Variants in EIF3E observed in about 807,000 individuals in gnomAD.
EIF3E encodes the protein eukaryotic translation initiation factor 3 subunit E.
In EIF3E, 25 loss-of-function variants were observed where a neutral mutation model predicts 59.3. The ratio of observed to expected loss-of-function variants is 0.42; its 90% CI spans 0.31 to 0.59. EIF3E has a LOEUF of 0.59. Ranked by LOEUF, EIF3E falls within the 20% of genes least tolerant of loss-of-function variation. EIF3E has a pLI of 0.15. For missense variants in EIF3E, 317 were observed against 534.3 expected (o/e 0.59, Z 4.01); for synonymous variants, 176 against 170.2 (o/e 1.03, Z -0.26).
intron 10 of EIF3E, among the ~76,000 whole-genome samples, chr8:108,205,460 C>T (rs1815082482): frequency 1.3e-5 from 2 of 152,176 alleles, no homozygotes; most frequent in African/African-American, 4.8e-5. Flanking sequence ...TACACATCTG[C>T]CAGGTTAGTT....
chr8:108,246,148 G>A (rs996357852), intron 1 of EIF3E, among the ~76,000 whole-genome samples: 10 of 152,080 alleles, frequency 6.6e-5, no homozygotes, highest in African/African-American at 2.4e-4. Flanking sequence ...GCAAGAGAGC[G>A]AGACAGATTT....
chr8:108,217,766 G>A (rs1815330669), intron 7 of EIF3E, among the ~76,000 whole-genome samples: 1 of 152,122 alleles, frequency 6.6e-6, no homozygotes, highest in African/African-American at 2.4e-5. Context: ...CATGCTGTCA[G>A]TCTGTTCCAA....
intron 5 of EIF3E, among the ~76,000 whole-genome samples, chr8:108,230,752 G>A (rs633901): frequency 6.6e-6 from 1 of 151,878 alleles, no homozygotes; most frequent in Non-Finnish European, 1.5e-5. Flanking sequence ...AGGCAAAAAC[G>A]AAAAGTAATC....
intron 1 of EIF3E, among the ~76,000 whole-genome samples, chr8:108,243,646 A>AAG (rs1445616835): frequency 2.7e-4 from 41 of 149,864 alleles, no homozygotes; most frequent in Non-Finnish European, 2.5e-4. Flanking sequence ...AAGAAAAAAA[A>AAG]AAAAAAAAAA....
chr8:108,229,577 A>C (rs1321813503), intron 5 of EIF3E, among the ~76,000 whole-genome samples: 1 of 152,158 alleles, frequency 6.6e-6, no homozygotes, highest in Non-Finnish European at 1.5e-5. Context: ...AGATGTGGAA[A>C]ATCAAGACAC....
At chr8:108,205,695 T>C (rs1214873170) in intron 10 of EIF3E, among the ~76,000 whole-genome samples, 4 of 152,224 alleles carry the variant, frequency 2.6e-5, no homozygotes, top group Non-Finnish European at 4.4e-5. Context: ...ATATCGACAC[T>C]GTATACGCTA....
At chr8:108,224,908 C>T (rs1036632442) in intron 7 of EIF3E, among the ~76,000 whole-genome samples, 2 of 151,558 alleles carry the variant, frequency 1.3e-5, no homozygotes, top group Non-Finnish European at 2.9e-5. Flanking sequence ...TTAAAAAACA[C>T]ACAAAAAGTT....
chr8:108,234,683 C>A, intron 5 of EIF3E: 1 of 172,692 alleles, frequency 5.8e-6, no homozygotes, highest in Non-Finnish European at 1.2e-5. Context: ...ATGTGCCACT[C>A]ACTGTGCTGT....
chr8:108,239,871 C>T (rs1443512401), intron 3 of EIF3E, 87 bp downstream of exon 3: 1 of 1,069,710 alleles, frequency 9.3e-7, no homozygotes, highest in East Asian at 2.4e-5. Context: ...TGAACTTTTA[C>T]TATGGGATAC....
chr8:108,242,117 A>C, intron 1 of EIF3E: 1 of 1,443,710 alleles, frequency 6.9e-7, no homozygotes, highest in Non-Finnish European at 9.2e-7. Flanking sequence ...CTTACCTAAA[A>C]ATTTTAAAAT....
At chr8:108,202,055 C>A (rs1815004523) in intron 12 of EIF3E, 132 bp from the exon 13 acceptor site, 4 of 692,520 alleles carry the variant, frequency 5.8e-6, no homozygotes, top group Admixed American at 3.9e-5. Context: ...GATCTTAACT[C>A]CTGCAATTAC....
At position 108,201,749 on chromosome 8, in the gene EIF3E, GAATC is replaced by G. The variant is rs1338974849; in HGVS notation, c.*132_*135del. On this transcript the variant is annotated 3_prime_UTR_variant, in exon 13 of 13. Coordinates refer to ENST00000220849, the MANE Select transcript of EIF3E (RefSeq NM_001568.3). ...AAGAAAACTGACAGCAAGATAAAAT[GAATC>G]AATTTTATTCCAATTCTTCAAAATT... 1.1e-5 allele frequency: 8 copies of G among 716,256 alleles called. No individual in the cohort carries two copies. Among genetic ancestry groups the G allele is most frequent in the Admixed American group, 4.2e-5 (1 of 23,802 alleles). The allele number at this position is 716,256 out of a possible 1,614,324, so 44.4% of individuals were successfully genotyped here. A position where few individuals can be genotyped will look rare whatever the true frequency, so the allele number is the denominator to read the frequency against.
chr8:108,204,044 G>C (rs899630073), intron 10 of EIF3E, among the ~76,000 whole-genome samples: 10 of 151,988 alleles, frequency 6.6e-5, no homozygotes, highest in African/African-American at 9.7e-5. Context: ...ATGATTAAAA[G>C]TATATGAGAT....
chr8:108,230,004 C>G (rs1466877012), intron 5 of EIF3E, among the ~76,000 whole-genome samples: 1 of 152,088 alleles, frequency 6.6e-6, no homozygotes, highest in African/African-American at 2.4e-5. Flanking sequence ...ATGAGCAAAG[C>G]TGGACTCCCT....
intron 1 of EIF3E, among the ~76,000 whole-genome samples, chr8:108,247,950 G>A (rs2045401): frequency 0.023 from 3,005 of 131,290 alleles, 89 homozygotes; most frequent in African/African-American, 0.077. Flanking sequence ...GAATATTAAC[G>A]ACCAATTCAA....
intron 10 of EIF3E, among the ~76,000 whole-genome samples, chr8:108,211,522 A>G (rs1815210827): frequency 2.6e-5 from 4 of 151,860 alleles, no homozygotes; most frequent in Admixed American, 2.0e-4. Flanking sequence ...GATGCTAAAA[A>G]TTTTCTCCTA....
intron 10 of EIF3E, among the ~76,000 whole-genome samples, chr8:108,203,711 T>C (rs1289067010): frequency 6.6e-6 from 1 of 152,080 alleles, no homozygotes; most frequent in African/African-American, 2.4e-5. Flanking sequence ...ATTCACCAAC[T>C]GGACTGTAAA....
intron 1 of EIF3E, among the ~76,000 whole-genome samples, chr8:108,247,673 T>C (rs1036615902): frequency 2.6e-5 from 4 of 152,100 alleles, no homozygotes; most frequent in Non-Finnish European, 5.9e-5. Context: ...TCCCCAAATC[T>C]AGAGTTCCCT....
In EIF3E at chr8:108,217,345, C is replaced by CT; in HGVS notation, c.837dup (p.Val280SerfsTer10). On this transcript the variant is annotated frameshift_variant, in exon 8 of 13. Coordinates refer to ENST00000220849, the MANE Select transcript of EIF3E (RefSeq NM_001568.3). LOFTEE classifies it high-confidence loss of function. ...TATTTTAGTTTTACCTGTTGAATAA[C>CT]TTTAACTAGATCTTTTAGAACCTGC... 6.4e-7 allele frequency: 1 copy of CT among 1,552,098 alleles called. No homozygotes were observed. The highest frequency in any genetic ancestry group is 1.2e-5 in the South Asian group (1 of 83,222).
Sources: allele counts gnomAD v4.1 joint callset (sites outside exome capture counted in the v4.1 genomes callset), GRCh38; gene constraint gnomAD v4.1.1; transcripts MANE v1.5; gene names NCBI Gene and HGNC (gene_info 2026-07-23, HGNC 2026-07-21).